Variants in DGAT2L6 observed in about 807,000 individuals in gnomAD.
DGAT2L6 encodes diacylglycerol O-acyltransferase 2 like 6.
A neutral mutation model predicts 25.5 loss-of-function variants in DGAT2L6; 22 were observed. That is an observed-to-expected ratio of 0.86 (90% CI 0.62 to 1.23). The LOEUF (loss-of-function observed/expected upper bound fraction) is 1.23, where lower values mean the gene tolerates loss of function less well. Ranked by LOEUF, DGAT2L6 falls within the 50% of genes most tolerant of loss-of-function variation. The probability of loss-of-function intolerance (pLI) is 0.00; values close to 1 mark genes in which losing one functional copy is unlikely to be tolerated. For synonymous variants in DGAT2L6, 100 were observed against 94.7 expected (o/e 1.06, Z -0.32); for missense variants, 287 against 253.2 (o/e 1.13, Z -0.91).
rs1040264612 is a variant in DGAT2L6 at position 70,177,509 on chromosome X, C to G, written c.-74C>G. 1.0e-6 allele frequency: 1 copy of G among 961,202 alleles called. No individual in the cohort carries two copies. The highest frequency in any genetic ancestry group is 1.9e-5 in the African/African-American group (1 of 51,743). The allele number at this position is 961,202 out of a possible 1,213,427, so 79.2% of individuals were successfully genotyped here. A position where few individuals can be genotyped will look rare whatever the true frequency, so the allele number is the denominator to read the frequency against. On this transcript the variant is annotated 5_prime_UTR_variant, in exon 1 of 7. The change creates a new upstream start codon in the 5' untranslated region. Transcript: ENST00000333026. ...ACAGTAAGAGATTATAGCAAAGCAT[C>G]TATAATCAACTCAGCTTAAGAAGTT...
At chrX:70,187,429 T>A (rs2085363057) in intron 1 of DGAT2L6, among the ~76,000 whole-genome samples, 1 of 110,522 alleles carries the variant, frequency 9.0e-6, no homozygotes, top group Admixed American at 9.6e-5. Context: ...AGAGACTAGA[T>A]CACCAAGATC....
intron 1 of DGAT2L6, among the ~76,000 whole-genome samples, chrX:70,182,661 G>C (rs2085347067): frequency 9.6e-6 from 1 of 103,887 alleles, no homozygotes; most frequent in Non-Finnish European, 2.0e-5. Flanking sequence ...TTGTTTGTTT[G>C]TTTTTGTTTT....
At chrX:70,178,061 G>A (rs1338308385) in intron 1 of DGAT2L6, among the ~76,000 whole-genome samples, 2 of 109,720 alleles carry the variant, frequency 1.8e-5, no homozygotes, top group African/African-American at 6.6e-5. Flanking sequence ...ACTTGAACCC[G>A]GGAGGTGGAG....
At chrX:70,198,566 G>A (rs899156383) in intron 1 of DGAT2L6, among the ~76,000 whole-genome samples, 1 of 110,332 alleles carries the variant, frequency 9.1e-6, no homozygotes, top group African/African-American at 3.3e-5. Flanking sequence ...TTTTCAAGAC[G>A]GAGTCTTGCT....
At position 70,200,599 on chromosome X, in the gene DGAT2L6, T is replaced by C. The variant is rs1004783633; in HGVS notation, c.472+140T>C. ...ACACCCTGGGCCCGTAACAGGAGTA[T>C]GTGGCTAAGCATTAGTTTCTGTCCA... On this transcript the variant is annotated intron_variant, in intron 4 of 6. Transcript: ENST00000333026. 1.0e-4 allele frequency: 56 copies of C among 554,831 alleles called. No homozygotes were observed. In the South Asian group the frequency reaches 1.8e-3, roughly 17 times the overall value. 45.7% of individuals were successfully genotyped at this position (554,831 alleles called of 1,213,427 possible). A position where few individuals can be genotyped will look rare whatever the true frequency, so the allele number is the denominator to read the frequency against.
At chrX:70,188,996 C>T (rs1378146561) in intron 1 of DGAT2L6, among the ~76,000 whole-genome samples, 1 of 91,985 alleles carries the variant, frequency 1.1e-5, no homozygotes, top group Admixed American at 1.1e-4. Flanking sequence ...AAAAAAAAAA[C>T]CCTACAGTTA....
rs139413662 is a variant in DGAT2L6 at position 70,204,499 on chromosome X, G to A, written c.842G>A (p.Arg281Gln). ...TCCTGGGGCTTCCTGCCTTTCAATC[G>A]GCCCATTACCACTGTTGGTGAGCTT... ...RGSWGFLPFN[R>Q]PITTVVGEPL... The change falls in exon 6 of 7, where the codon CGG becomes CAG. Residue 281 changes from arginine (R) to glutamine (Q), a missense_variant. Transcript: ENST00000333026. 75 of 1,208,551 alleles carry A rather than the reference G, an allele frequency of 6.2e-5. No individual in the cohort carries two copies. In the Middle Eastern group the frequency reaches 1.6e-3, roughly 26 times the overall value.
intron 4 of DGAT2L6, among the ~76,000 whole-genome samples, chrX:70,201,386 A>G (rs999248723): frequency 8.9e-6 from 1 of 112,091 alleles, no homozygotes; most frequent in African/African-American, 3.2e-5. Flanking sequence ...TCTACGTTTC[A>G]GTTTGGCTTG....
At chrX:70,196,514 GA>G (rs1190627830) in intron 1 of DGAT2L6, among the ~76,000 whole-genome samples, 1 of 72,402 alleles carries the variant, frequency 1.4e-5, no homozygotes, top group Non-Finnish European at 3.0e-5. Context: ...AAAGAAAAAA[GA>G]AAAAAAAAGA....
chrX:70,203,758 A>ACTT (rs1368146984), intron 5 of DGAT2L6, among the ~76,000 whole-genome samples: 3 of 110,936 alleles, frequency 2.7e-5, no homozygotes, highest in African/African-American at 9.8e-5. Flanking sequence ...CTTTAAGGGG[A>ACTT]TGAGATTGGG....
chrX:70,184,919 TTTC>T (rs2085355154), intron 1 of DGAT2L6, among the ~76,000 whole-genome samples: 1 of 111,461 alleles, frequency 9.0e-6, no homozygotes, highest in African/African-American at 3.3e-5. Flanking sequence ...TAGTAGCCTA[TTTC>T]AGGTTCCCAT....
At position 70,182,469 on chromosome X, in the gene DGAT2L6, C is replaced by CTTTTTTTTT. The variant is rs1171530335; in HGVS notation, c.85+4822_85+4830dup. ...ACTTCTGGAGGTCTTTCAAAAGCAT[C>CTTTTTTTTT]TTTTTTTTTTTTTTTTTTTTTTTTT... On this transcript the variant is annotated intron_variant, in intron 1 of 6. Transcript: ENST00000333026. Among the ~76,000 whole-genome samples, 81 of 49,146 alleles carry CTTTTTTTTT rather than the reference C, an allele frequency of 1.6e-3. 7 individuals carry two copies. The highest frequency in any genetic ancestry group is 3.4e-3 in the African/African-American group (33 of 9,634). The allele number at this position is 49,146 out of a possible 115,157, so 42.7% of individuals were successfully genotyped here.
chrX:70,182,122 C>G (rs914156170), intron 1 of DGAT2L6, among the ~76,000 whole-genome samples: 3 of 111,004 alleles, frequency 2.7e-5, no homozygotes, highest in Non-Finnish European at 5.7e-5. Context: ...TGTTCAGAAT[C>G]ATAGCTGATT....
chrX:70,195,376 C>A (rs2085387736), intron 1 of DGAT2L6, among the ~76,000 whole-genome samples: 1 of 110,566 alleles, frequency 9.0e-6, no homozygotes, highest in South Asian at 3.9e-4. Flanking sequence ...ATATCTGCAC[C>A]CCCATGTTCA....
At chrX:70,202,173 C>T in intron 5 of DGAT2L6, 109 bp downstream of exon 5, 1 of 719,152 alleles carries the variant, frequency 1.4e-6, no homozygotes, top group Non-Finnish European at 1.9e-6. Context: ...CCCATCTTCA[C>T]TCTAATTCCT....
chrX:70,187,169 T>TTTTGTTTG (rs61670297), intron 1 of DGAT2L6, among the ~76,000 whole-genome samples: 110 of 108,471 alleles, frequency 1.0e-3, no homozygotes, highest in South Asian at 3.2e-3. Flanking sequence ...AGGAGAAGTT[T>TTTTGTTTG]TTTGTTTGTT....
At position 70,204,461 on chromosome X, in the gene DGAT2L6, C is replaced by T. The variant is rs755509436; in HGVS notation, c.804C>T (p.Gly268=). Residue 268 remains glycine (G), a synonymous_variant, in exon 6 of 7, where the codon GGC becomes GGT. Transcript: ENST00000333026. ...ATTTCTGTACCTTCCATGGCCGGGG[C>T]TTCACTCGCGGATCCTGGGGCTTCC... is the stretch of plus-strand genomic sequence containing the variant. ...GLNFCTFHGR[G]FTRGSWGFLP... The T allele has an allele frequency of 4.1e-6, 5 of 1,209,586 alleles. No individual in the cohort carries two copies. In the African/African-American group the frequency reaches 7.0e-5, roughly 17 times the overall value.
rs1437473899 is a variant in DGAT2L6 at position 70,201,947 on chromosome X, G to T, written c.530G>T (p.Gly177Val). Residue 177 changes from glycine to valine, a missense_variant, in exon 5 of 7, where the codon GGC becomes GTC. Transcript: ENST00000333026. ...LKYLLTQKGS[G>V]NAVVIVVGGA... ...TACTTGCTGACCCAGAAAGGCTCAG[G>T]CAATGCCGTGGTTATTGTGGTGGGT... 7 of 1,207,181 alleles carry T rather than the reference G, an allele frequency of 5.8e-6. No homozygotes were observed. The highest frequency in any genetic ancestry group is 7.8e-6 in the Non-Finnish European group (7 of 894,010).
chrX:70,192,060 A>G (rs756252300), intron 1 of DGAT2L6, among the ~76,000 whole-genome samples: 6 of 111,645 alleles, frequency 5.4e-5, no homozygotes, highest in Non-Finnish European at 9.4e-5. Context: ...CTGGGGCAAC[A>G]TAGTGAGACT....
Sources: gnomAD v4.1 joint callset for allele counts (sites outside exome capture counted in the v4.1 genomes callset) on GRCh38, gnomAD v4.1.1 for gene constraint, MANE v1.5 for transcripts, NCBI Gene and HGNC (gene_info 2026-07-23, HGNC 2026-07-21) for gene names.